Variants in NDST3 observed in about 807,000 individuals in gnomAD.
The protein encoded by NDST3 is N-deacetylase and N-sulfotransferase 3.
NDST3 carries 58 observed loss-of-function variants against 96.1 expected under a neutral mutation model. The observed-to-expected ratio is 0.60, with a 90% CI of 0.49 to 0.75. NDST3 has a LOEUF of 0.75. NDST3 is among the 30% of genes least tolerant of loss of function. The pLI, the probability that NDST3 is intolerant of heterozygous loss-of-function variation, is 0.00. For missense variants in NDST3, 788 were observed against 1,034.2 expected (o/e 0.76, Z 3.27); for synonymous variants, 333 against 359.7 (o/e 0.93, Z 0.84).
At position 118,122,798 on chromosome 4, in the gene NDST3, G is replaced by A. The variant is rs201431859; in HGVS notation, c.1224+7838G>A. ...CTCCAAAATATTTACTAGACATTGC[G>A]CTTAGGGCTTTCCATACATCCTCGG... On this transcript the variant is annotated intron_variant, in intron 4 of 13. Coordinates refer to ENST00000296499, the MANE Select transcript of NDST3 (RefSeq NM_004784.3). Among the ~76,000 whole-genome samples, 8 of 152,250 alleles carry A rather than the reference G, an allele frequency of 5.3e-5. No individual in the cohort carries two copies. In the East Asian group the frequency reaches 1.2e-3, roughly 22 times the overall value.
intron 6 of NDST3, chr4:118,194,095 A>C (rs1256903429): frequency 3.6e-6 from 5 of 1,393,106 alleles, no homozygotes; most frequent in Non-Finnish European, 5.0e-6. Flanking sequence ...CCTTCCTAAC[A>C]CTGCCAAAAG....
At chr4:118,183,750 G>T (rs79342491) in intron 6 of NDST3, among the ~76,000 whole-genome samples, 1 of 152,136 alleles carries the variant, frequency 6.6e-6, no homozygotes, top group African/African-American at 2.4e-5. Flanking sequence ...TTCTGGCCTC[G>T]GATGAAAACT....
chr4:118,157,130 ATAAAAT>A (rs1032354075), intron 6 of NDST3, among the ~76,000 whole-genome samples: 6 of 152,190 alleles, frequency 3.9e-5, no homozygotes, highest in African/African-American at 1.4e-4. Flanking sequence ...TACTATACAA[ATAAAAT>A]TAAGAAGATT....
At chr4:118,138,350 T>A in intron 5 of NDST3, 111 bp downstream of exon 5, 1 of 924,020 alleles carries the variant, frequency 1.1e-6, no homozygotes, top group Non-Finnish European at 1.6e-6. Flanking sequence ...AAAAGCTCCA[T>A]GCTGCAGGAA....
At chr4:118,122,894 C>T (rs1243762307) in intron 4 of NDST3, among the ~76,000 whole-genome samples, 1 of 152,136 alleles carries the variant, frequency 6.6e-6, no homozygotes, top group East Asian at 1.9e-4. Context: ...GCTTAGAGAG[C>T]TTATATAAAT....
chr4:118,050,356 C>G (rs1410346753), intron 1 of NDST3, among the ~76,000 whole-genome samples: 1 of 150,838 alleles, frequency 6.6e-6, no homozygotes, highest in Non-Finnish European at 1.5e-5. Flanking sequence ...ACTCCTATAG[C>G]ACTGGAAGTC....
chr4:118,212,605 C>A (rs543754390), intron 6 of NDST3, among the ~76,000 whole-genome samples: 1 of 152,128 alleles, frequency 6.6e-6, no homozygotes, highest in Non-Finnish European at 1.5e-5. Flanking sequence ...TAATATCATA[C>A]AACATAGCAT....
intron 6 of NDST3, among the ~76,000 whole-genome samples, chr4:118,179,571 T>G (rs1736472111): frequency 6.6e-6 from 1 of 152,064 alleles, no homozygotes; most frequent in Admixed American, 6.6e-5. Flanking sequence ...AGTTTTAGTG[T>G]CTGGAAAATG....
chr4:118,054,765 C>T lies in NDST3; in HGVS notation c.855C>T (p.Phe285=). 6.2e-7 allele frequency: 1 copy of T among 1,613,378 alleles called. No individual in the cohort carries two copies. The highest frequency in any genetic ancestry group is 8.5e-7 in the Non-Finnish European group (1 of 1,179,468). ...ACTTTTGGCTGCACAAGCTCATCTT[C>T]ATAGATGCCATCTCCTTCTTATCAG... The part of the protein sequence containing the change: ...NLNFWLHKLI[F]IDAISFLSGK... The change falls in exon 2 of 14, where the codon TTC becomes TTT. Residue 285 remains phenylalanine (F), a synonymous_variant. Coordinates refer to ENST00000296499, the MANE Select transcript of NDST3 (RefSeq NM_004784.3).
chr4:118,065,707 A>G, intron 2 of NDST3, among the ~76,000 whole-genome samples: 1 of 151,814 alleles, frequency 6.6e-6, no homozygotes, highest in African/African-American at 2.4e-5. Flanking sequence ...CCTCAGTTTC[A>G]GTGCCCTTAT....
chr4:118,158,223 A>G (rs1178275368), intron 6 of NDST3, among the ~76,000 whole-genome samples: 1 of 152,172 alleles, frequency 6.6e-6, no homozygotes, highest in Non-Finnish European at 1.5e-5. Context: ...TTAATTTCTA[A>G]ATACTATTTC....
At chr4:118,197,301 G>T (rs1460190417) in intron 6 of NDST3, among the ~76,000 whole-genome samples, 10 of 134,240 alleles carry the variant, frequency 7.4e-5, no homozygotes, top group Non-Finnish European at 1.5e-4. Flanking sequence ...CTGGGGAAAA[G>T]AATGTGTATT....
intron 2 of NDST3, among the ~76,000 whole-genome samples, chr4:118,066,191 ATAT>A (rs1726360516): frequency 1.4e-5 from 1 of 69,584 alleles, no homozygotes; most frequent in Non-Finnish European, 2.5e-5. Context: ...TATATATCTT[ATAT>A]ATTATATTTT....
intron 6 of NDST3, among the ~76,000 whole-genome samples, chr4:118,217,278 A>G (rs1423468142): frequency 6.6e-6 from 1 of 152,106 alleles, no homozygotes; most frequent in East Asian, 1.9e-4. Context: ...CAGAAGGGGT[A>G]CAGAAGGGAA....
intron 12 of NDST3, among the ~76,000 whole-genome samples, chr4:118,245,595 C>T (rs1741258144): frequency 6.6e-6 from 1 of 152,126 alleles, no homozygotes; most frequent in South Asian, 2.1e-4. Flanking sequence ...AAATGTACTA[C>T]ACTAAAACTT....
intron 2 of NDST3, among the ~76,000 whole-genome samples, chr4:118,102,027 G>A (rs966878899): frequency 1.3e-5 from 2 of 151,386 alleles, no homozygotes; most frequent in African/African-American, 4.9e-5. Flanking sequence ...TTTATTTTAT[G>A]GCACTAATTT....
At chr4:118,144,916 A>G (rs1733832540) in intron 6 of NDST3, among the ~76,000 whole-genome samples, 1 of 152,134 alleles carries the variant, frequency 6.6e-6, no homozygotes, top group Non-Finnish European at 1.5e-5. Context: ...GCTTGTATTC[A>G]TCACTATACC....
At chr4:118,123,322 C>T (rs1410334208) in intron 4 of NDST3, among the ~76,000 whole-genome samples, 3 of 152,072 alleles carry the variant, frequency 2.0e-5, no homozygotes, top group African/African-American at 4.8e-5. Flanking sequence ...TCCTAATCAA[C>T]CTTGCATATT....
intron 5 of NDST3, among the ~76,000 whole-genome samples, chr4:118,141,503 C>A (rs957844081): frequency 4.6e-5 from 7 of 152,270 alleles, no homozygotes; most frequent in Middle Eastern, 3.4e-3. Context: ...GTAAAGCCTG[C>A]CACTTCCTCT....
Sources: allele counts gnomAD v4.1 joint callset (sites outside exome capture counted in the v4.1 genomes callset), GRCh38; gene constraint gnomAD v4.1.1; transcripts MANE v1.5; gene names NCBI Gene and HGNC (gene_info 2026-07-23, HGNC 2026-07-21).